Variants in BLOC1S3 observed in about 807,000 individuals in gnomAD.
BLOC1S3 encodes biogenesis of lysosome-related organelles complex 1 subunit 3.
Under a neutral mutation model 9.1 loss-of-function variants are expected in BLOC1S3, and 7 were observed. The observed-to-expected ratio is 0.77, with a 90% CI of 0.44 to 1.45. BLOC1S3 has a LOEUF of 1.45. Ranked by LOEUF, BLOC1S3 falls within the 40% of genes most tolerant of loss-of-function variation. The pLI, the probability that BLOC1S3 is intolerant of heterozygous loss-of-function variation, is 0.01. For missense variants in BLOC1S3, 307 were observed against 315.2 expected, an observed-to-expected ratio of 0.97 and a Z score of 0.20; for synonymous variants, 145 against 158.4, an observed-to-expected ratio of 0.92 and a Z score of 0.64.
In BLOC1S3 at chr19:45,213,369, G is replaced by A. The variant is rs933512365; in HGVS notation, n.283-3307G>A. 2.5e-6 allele frequency: 4 copies of A among 1,612,144 alleles called. No individual in the cohort carries two copies. In the East Asian group the frequency reaches 6.7e-5, roughly 27 times the overall value. On this transcript the variant is annotated intron_variant and non_coding_transcript_variant, in intron 3 of 3. Coordinates refer to the BLOC1S3 transcript ENST00000591569. ...CCACGTGCTTCTGCCTGTGGGGAGA[G>A]GAACAGACAGGTGCATGCAGATCCC...
intron 3 of BLOC1S3, among the ~76,000 whole-genome samples, chr19:45,214,155 G>T (rs1030170404): frequency 2.0e-5 from 3 of 151,952 alleles, no homozygotes; most frequent in African/African-American, 7.3e-5. Context: ...GACTTCTTGG[G>T]ACCCCATGGG....
intron 1 of BLOC1S3, chr19:45,187,517 A>G (rs12462536): frequency 0.12 from 17,980 of 152,182 alleles, 1,205 homozygotes; most frequent in African/African-American, 0.17. Flanking sequence ...CTTTGTGATC[A>G]CCCTTCACCT....
intron 3 of BLOC1S3, among the ~76,000 whole-genome samples, chr19:45,206,450 GTTT>G (rs1054281226): frequency 2.4e-4 from 13 of 55,142 alleles, no homozygotes; most frequent in East Asian, 1.6e-3. Flanking sequence ...GATTAATCAA[GTTT>G]TTTTTTTTTT....
downstream of BLOC1S3, among the ~76,000 whole-genome samples, chr19:45,184,875 G>A (rs1169818343): frequency 7.3e-6 from 1 of 136,794 alleles, no homozygotes; most frequent in Non-Finnish European, 1.5e-5. Flanking sequence ...AGTCTGGCCT[G>A]GGTGAAAGAG....
At chr19:45,215,756 G>A (rs774953934) in intron 3 of BLOC1S3, among the ~76,000 whole-genome samples, 1 of 152,116 alleles carries the variant, frequency 6.6e-6, no homozygotes, top group Non-Finnish European at 1.5e-5. Flanking sequence ...TGTGCCCTGC[G>A]TGTCCCTGAG....
At chr19:45,184,938 AAGGG>A (rs1301962795), downstream of BLOC1S3, among the ~76,000 whole-genome samples, 1 of 141,706 alleles carries the variant, frequency 7.1e-6, no homozygotes, top group Non-Finnish European at 1.5e-5. Flanking sequence ...AAAAGGAAGG[AAGGG>A]AGGGAGGGAA....
chr19:45,199,309 CTTTTTTTTTTTTTTTT>C (rs34967306), intron 2 of BLOC1S3, among the ~76,000 whole-genome samples: 1 of 72,474 alleles, frequency 1.4e-5, no homozygotes, highest in South Asian at 6.2e-4. Flanking sequence ...GTGCCTTATT[CTTTTTTTTTTTTTTTT>C]TTTTTTTTTG....
At chr19:45,215,774 C>T (rs1176597854) in intron 3 of BLOC1S3, among the ~76,000 whole-genome samples, 3 of 152,168 alleles carry the variant, frequency 2.0e-5, no homozygotes, top group Non-Finnish European at 4.4e-5. Flanking sequence ...GAGTCCCCTG[C>T]GGCTCCCCTG....
In BLOC1S3 at chr19:45,180,193, C is replaced by T. The variant is rs1969498145; in HGVS notation, c.*288C>T. 3 of 330,622 alleles carry T rather than the reference C, an allele frequency of 9.1e-6. No homozygotes were observed. Among genetic ancestry groups the T allele is most frequent in the Non-Finnish European group, 5.7e-6 (1 of 174,050 alleles). The allele number at this position is 330,622 out of a possible 1,614,324, so 20.5% of individuals were successfully genotyped here. A position where few individuals can be genotyped will look rare whatever the true frequency, so the allele number is the denominator to read the frequency against. On this transcript the variant is annotated 3_prime_UTR_variant, in exon 2 of 2. Transcript: ENST00000433642. ...TGGGGCTTGGCTCCAGCCTTTGTTACATAGTTGCTCCTTAATCTGTTTCCA... is the reference window on the plus strand; with the variant it reads ...TGGGGCTTGGCTCCAGCCTTTGTTATATAGTTGCTCCTTAATCTGTTTCCA...
chr19:45,195,871 G>A (rs3859420), intron 2 of BLOC1S3, among the ~76,000 whole-genome samples: 33,590 of 151,898 alleles, frequency 0.22, 4,684 homozygotes, highest in Non-Finnish European at 0.3. Flanking sequence ...GTGGGATTAC[G>A]GGCGTGAGCC....
chr19:45,209,291 C>T (rs1240455363), intron 3 of BLOC1S3, among the ~76,000 whole-genome samples: 2 of 152,100 alleles, frequency 1.3e-5, no homozygotes, highest in Admixed American at 6.6e-5. Flanking sequence ...TCAAGTGATC[C>T]GCCCACCTTG....
chr19:45,216,007 G>A (rs1969829785), intron 3 of BLOC1S3: 1 of 1,594,198 alleles, frequency 6.3e-7, no homozygotes, highest in African/African-American at 1.3e-5. Context: ...CACAGGGACG[G>A]ATGCCAAGGC....
rs184748071 is a variant in BLOC1S3, at chr19:45,206,194, A to G, written n.282+3687A>G. Among the ~76,000 whole-genome samples, 423 of 152,040 alleles carry G rather than the reference A, an allele frequency of 2.8e-3. 1 individual carries two copies. The highest frequency in any genetic ancestry group is 9.7e-3 in the African/African-American group (403 of 41,490). ...TAAACCCCGTATCTAGTAAAAAAAT[A>G]TATATACCAAAAATTAGCTGGGCAT... On this transcript the variant is annotated intron_variant and non_coding_transcript_variant, in intron 3 of 3. Coordinates refer to the BLOC1S3 transcript ENST00000591569.
At chr19:45,190,875 G>A (rs1012913331) in intron 2 of BLOC1S3, among the ~76,000 whole-genome samples, 6 of 128,936 alleles carry the variant, frequency 4.7e-5, no homozygotes, top group Non-Finnish European at 7.0e-5. Context: ...GCGCAATCTC[G>A]GCTCACTGCA....
intron 3 of BLOC1S3, among the ~76,000 whole-genome samples, chr19:45,213,744 A>C (rs1371721304): frequency 6.6e-6 from 1 of 151,882 alleles, no homozygotes; most frequent in Non-Finnish European, 1.5e-5. Context: ...CAGGAGTTCG[A>C]GACCAGCCTG....
At chr19:45,182,538 C>G (rs540872143), downstream of BLOC1S3, among the ~76,000 whole-genome samples, 2 of 152,172 alleles carry the variant, frequency 1.3e-5, no homozygotes, top group East Asian at 3.9e-4. Context: ...GTGGCACATG[C>G]CTGTAATCCC....
chr19:45,193,132 C>CAAAAAAAAAAAAAAAAA (rs71173123), intron 2 of BLOC1S3, among the ~76,000 whole-genome samples: 1 of 77,928 alleles, frequency 1.3e-5, no homozygotes, highest in Non-Finnish European at 2.7e-5. Flanking sequence ...AACTCCGTCT[C>CAAAAAAAAAAAAAAAAA]AAAAAAAAAA....
intron 3 of BLOC1S3, chr19:45,213,177 G>A: frequency 6.2e-7 from 1 of 1,602,780 alleles, no homozygotes; most frequent in Non-Finnish European, 8.5e-7. Flanking sequence ...GGAAGAGAGG[G>A]AGGCTGAGAC....
At chr19:45,196,719 T>C (rs1969651187) in intron 2 of BLOC1S3, among the ~76,000 whole-genome samples, 1 of 151,786 alleles carries the variant, frequency 6.6e-6, no homozygotes, top group Non-Finnish European at 1.5e-5. Context: ...GGTGAAACCC[T>C]GTCTCTACTA....
Sources: allele counts gnomAD v4.1 joint callset (sites outside exome capture counted in the v4.1 genomes callset), GRCh38; gene constraint gnomAD v4.1.1; transcripts MANE v1.5; gene names NCBI Gene and HGNC (gene_info 2026-07-23, HGNC 2026-07-21).